The following GTF3C3 variants were observed in gnomAD, a reference collection of about 807,000 sequenced individuals.
GTF3C3 encodes general transcription factor IIIC subunit 3.
Under a neutral mutation model 105.2 loss-of-function variants are expected in GTF3C3, and 75 were observed. The ratio of observed to expected loss-of-function variants is 0.71; its 90% CI spans 0.59 to 0.86. GTF3C3 has a LOEUF of 0.86. Among genes scored for constraint, GTF3C3 ranks in the 40% least tolerant of loss-of-function variants. The pLI, the probability that GTF3C3 is intolerant of heterozygous loss-of-function variation, is 0.00. For synonymous variants in GTF3C3, 335 were observed against 370.4 expected (o/e 0.90, Z 1.10); for missense variants, 856 against 1,076.5 (o/e 0.80, Z 2.87).
intron 16 of GTF3C3, among the ~76,000 whole-genome samples, chr2:196,769,030 A>G (rs982560488): frequency 4.6e-5 from 7 of 152,182 alleles, no homozygotes; most frequent in Non-Finnish European, 1.0e-4. Context: ...AGGAAGAAAA[A>G]GAAGCTTTGA....
chr2:196,780,252 G>A (rs1284258437), intron 9 of GTF3C3: 27 of 1,002,794 alleles, frequency 2.7e-5, no homozygotes, highest in South Asian at 2.2e-4. Flanking sequence ...TCCAAAGTCC[G>A]CAAAAAAGAA....
intron 9 of GTF3C3, among the ~76,000 whole-genome samples, chr2:196,779,833 C>A (rs1699316574): frequency 6.6e-6 from 1 of 152,062 alleles, no homozygotes; most frequent in African/African-American, 2.4e-5. Context: ...TGTGCGCCAC[C>A]ACACCCAGCT....
At chr2:196,766,502 G>C in intron 17 of GTF3C3, 63 bp downstream of exon 17, 1 of 1,264,278 alleles carries the variant, frequency 7.9e-7, no homozygotes, top group Non-Finnish European at 1.1e-6. Flanking sequence ...GCTGGACTTA[G>C]CTAACTGCCC....
intron 5 of GTF3C3, 28 bp from the exon 6 acceptor site, chr2:196,789,397 A>G: frequency 6.5e-7 from 1 of 1,536,906 alleles, no homozygotes; most frequent in East Asian, 2.3e-5. Flanking sequence ...CAAATTATTT[A>G]CCACAAAAAG....
intron 6 of GTF3C3, among the ~76,000 whole-genome samples, chr2:196,785,880 A>G (rs1699445759): frequency 6.6e-6 from 1 of 152,154 alleles, no homozygotes; most frequent in South Asian, 2.1e-4. Context: ...TCTACAAAGC[A>G]TAGGTCCTAC....
Position 196,790,000 on chromosome 2 carries a change from T to C in GTF3C3, c.606A>G (p.Ser202=). ...GCGCAGCAATCAACTCAAACTGCAA[T>C]GATTTTTCCATGTCACCTTGGTCCT... ...IYEDQGDMEK[S]LQFELIAAHL... Residue 202 remains serine (S), a synonymous_variant, in exon 5 of 18, where the codon TCA becomes TCG. Transcript: ENST00000263956. The C allele has an allele frequency of 6.2e-7, 1 of 1,613,746 alleles. No individual in the cohort carries two copies. The highest frequency in any genetic ancestry group is 8.5e-7 in the Non-Finnish European group (1 of 1,179,748).
rs192751326 is a variant in GTF3C3 at position 196,786,752 on chromosome 2, G to A, written c.894-1164C>T. ...TCCCCTTGCAAATTCCCCCAAAGTT[G>A]TCCATCCCCCATACCGTCTCCAATG... On this transcript the variant is annotated intron_variant, in intron 6 of 17. Coordinates refer to ENST00000263956, the MANE Select transcript of GTF3C3 (RefSeq NM_012086.5). This position sits in a 1 kb window ranked among gnomAD's most constrained non-coding sequence, Gnocchi z 4.2. Among the ~76,000 whole-genome samples, 1 of 151,312 alleles carries A rather than the reference G, an allele frequency of 6.6e-6. No homozygotes were observed. Among genetic ancestry groups the A allele is most frequent in the East Asian group, 1.9e-4 (1 of 5,142 alleles).
chr2:196,786,179 T>C lies in GTF3C3; in HGVS notation c.894-591A>G, dbSNP rs1363853076. On this transcript the variant is annotated intron_variant, in intron 6 of 17. Coordinates refer to ENST00000263956, the MANE Select transcript of GTF3C3 (RefSeq NM_012086.5). This position sits in a 1 kb window ranked among gnomAD's most constrained non-coding sequence, Gnocchi z 4.2. The stretch of plus-strand genomic sequence containing the variant: ...GTATTACTACAGTTACCTATTTCAG[T>C]ACTTCTCAAACCTAAATAAGCCTAT... Among the ~76,000 whole-genome samples the C allele has an allele frequency of 2.6e-5, 4 of 152,132 alleles. No individual in the cohort carries two copies. The highest frequency in any genetic ancestry group is 5.9e-5 in the Non-Finnish European group (4 of 68,018).
intron 16 of GTF3C3, 111 bp from the exon 17 acceptor site, chr2:196,766,828 T>A (rs1699077577): frequency 1.4e-6 from 1 of 734,042 alleles, no homozygotes; most frequent in East Asian, 2.7e-5. Context: ...AACCTATCTA[T>A]CTGCTTAGTG....
chr2:196,765,870 C>T (rs370588385), intron 17 of GTF3C3, among the ~76,000 whole-genome samples: 11 of 151,516 alleles, frequency 7.3e-5, no homozygotes, highest in Middle Eastern at 6.8e-3. Context: ...ATTAGCTGGG[C>T]GTGGTGGCAG....
chr2:196,766,010 CAAAAAAAAAAAAA>C (rs11424716), intron 17 of GTF3C3, among the ~76,000 whole-genome samples: 2 of 87,172 alleles, frequency 2.3e-5, no homozygotes, highest in African/African-American at 4.5e-5. Flanking sequence ...ACTCTGTCTC[CAAAAAAAAAAAAA>C]AAAAAAAAAA....
chr2:196,773,200 A>C (rs1699207016), intron 13 of GTF3C3, 47 bp from the exon 14 acceptor site: 1 of 1,038,768 alleles, frequency 9.6e-7, no homozygotes, highest in Admixed American at 2.3e-5. Context: ...TATTTCCAGA[A>C]ATAGCAGTAT....
rs1157722121 is a variant in GTF3C3 at position 196,789,305 on chromosome 2, C to T, written c.792G>A (p.Met264Ile). 6.2e-7 allele frequency: 1 copy of T among 1,611,862 alleles called. No individual in the cohort carries two copies. Among genetic ancestry groups the T allele is most frequent in the African/African-American group, 1.3e-5 (1 of 74,828 alleles). Residue 264 changes from methionine (M) to isoleucine (I), a missense_variant, in exon 6 of 18, where the codon ATG (methionine) becomes ATA (isoleucine). Transcript: ENST00000263956. ...LWERSSLYEQ[M>I]GDHKMAMDGY... ...CATCCATGGCCATTTTATGATCACC[C>T]ATCTGTTCATAAAGGCTTGATCGCT...
rs1047386059 is a variant in GTF3C3 at position 196,776,731 on chromosome 2, A to G, written c.1391-102T>C. The G allele has an allele frequency of 5.4e-6, 4 of 740,328 alleles. No individual in the cohort carries two copies. Among genetic ancestry groups the G allele is most frequent in the African/African-American group, 5.3e-5 (3 of 56,164 alleles). 45.9% of individuals were successfully genotyped at this position (740,328 alleles called of 1,614,324 possible). A position where few individuals can be genotyped will look rare whatever the true frequency, so the allele number is the denominator to read the frequency against. On this transcript the variant is annotated intron_variant, in intron 10 of 17. Transcript: ENST00000263956. This position sits in a 1 kb window ranked among gnomAD's most constrained non-coding sequence, Gnocchi z 4.5. ...AAGAAATATAGCAATATAAAAAATT[A>G]TAACAAGAAATGAATGCGTATTTCT... is the stretch of plus-strand genomic sequence containing the variant.
chr2:196,771,117 AT>A (rs1057335589), intron 15 of GTF3C3, among the ~76,000 whole-genome samples: 3 of 151,694 alleles, frequency 2.0e-5, no homozygotes, highest in South Asian at 2.1e-4. Context: ...TTCTTCTTTA[AT>A]TTTTTTTTAA....
intron 8 of GTF3C3, among the ~76,000 whole-genome samples, chr2:196,781,387 T>TATATATATAA (rs1387409452): frequency 3.3e-5 from 4 of 119,496 alleles, no homozygotes; most frequent in African/African-American, 9.5e-5. Context: ...TATATATATA[T>TATATATATAA]AAAATTAAAT....
At chr2:196,795,675 G>T (rs893738683) in intron 2 of GTF3C3, among the ~76,000 whole-genome samples, 2 of 152,140 alleles carry the variant, frequency 1.3e-5, no homozygotes, top group African/African-American at 4.8e-5. Flanking sequence ...ATTTCATGAA[G>T]AGTATCTACA....
At chr2:196,779,306 T>G (rs1165094569) in intron 9 of GTF3C3, among the ~76,000 whole-genome samples, 1 of 151,992 alleles carries the variant, frequency 6.6e-6, no homozygotes, top group African/African-American at 2.4e-5. Context: ...TTTTGTATGT[T>G]TAGTAGAGAC....
Position 196,771,945 on chromosome 2 carries a change from T to C in GTF3C3, c.2070-7A>G. 1 of 1,599,196 alleles carries C rather than the reference T, an allele frequency of 6.3e-7. No individual in the cohort carries two copies. Among genetic ancestry groups the C allele is most frequent in the African/African-American group, 1.3e-5 (1 of 74,746 alleles). ...ATTTTCCATTACCATTATCCTAAAA[T>C]TGCAGGAAGAGGGTGAGGGAGAAAA... On this transcript the variant is annotated splice_polypyrimidine_tract_variant and splice_region_variant and intron_variant, in intron 14 of 17. Transcript: ENST00000263956.
Sources: allele counts gnomAD v4.1 joint callset (sites outside exome capture counted in the v4.1 genomes callset), GRCh38; gene constraint gnomAD v4.1.1; non-coding constraint Gnocchi (gnomAD v3.1); transcripts MANE v1.5; gene names NCBI Gene and HGNC (gene_info 2026-07-23, HGNC 2026-07-21).